Variants in NCOA6 observed in about 807,000 individuals in gnomAD.
The protein encoded by NCOA6 is nuclear receptor coactivator 6.
A neutral mutation model predicts 171.4 loss-of-function variants in NCOA6; 49 were observed. The observed-to-expected ratio is 0.29, with a 90% CI of 0.23 to 0.36. The LOEUF is 0.36. NCOA6 is among the 10% of genes least tolerant of loss of function. NCOA6 has a pLI of 1.00. For synonymous variants in NCOA6, 910 were observed against 927.5 expected, an observed-to-expected ratio of 0.98 and a Z score of 0.34; for missense variants, 2,248 against 2,554.5, an observed-to-expected ratio of 0.88 and a Z score of 2.59.
At chr20:34,750,754 T>C (rs1302588907) in intron 8 of NCOA6, among the ~76,000 whole-genome samples, 1 of 152,192 alleles carries the variant, frequency 6.6e-6, no homozygotes, top group Non-Finnish European at 1.5e-5. Flanking sequence ...AGTTTCTACA[T>C]TCCCATATGG....
chr20:34,727,241 C>G lies in NCOA6; in HGVS notation c.6148+18G>C. ...CCTCTATTTGACCCACAAATAGCACCCACATCCCACTGCTAACCTTTAGTA... is the reference window on the plus strand; with the variant it reads ...CCTCTATTTGACCCACAAATAGCACGCACATCCCACTGCTAACCTTTAGTA... On this transcript the variant is annotated intron_variant, in intron 14 of 14. Transcript: ENST00000359003. 1 of 1,612,336 alleles carries G rather than the reference C, an allele frequency of 6.2e-7. No individual in the cohort carries two copies.
rs528104256 is a variant in NCOA6 at position 34,715,164 on chromosome 20, C to T, written c.*158G>A. On this transcript the variant is annotated 3_prime_UTR_variant, in exon 15 of 15. Transcript: ENST00000359003. ...AAAGGGCTCAACAGTCCTGCTTTCC[C>T]CATTGCACTTTATGAAACAGGTTGC... The T allele has an allele frequency of 3.4e-6, 3 of 874,276 alleles. No homozygotes were observed. Among genetic ancestry groups the T allele is most frequent in the African/African-American group, 1.7e-5 (1 of 59,768 alleles). The allele number at this position is 874,276 out of a possible 1,614,324, so 54.2% of individuals were successfully genotyped here.
intron 14 of NCOA6, among the ~76,000 whole-genome samples, chr20:34,717,903 G>A (rs1475553794): frequency 6.6e-6 from 1 of 152,200 alleles, no homozygotes; most frequent in East Asian, 1.9e-4. Flanking sequence ...GAAGGATCAA[G>A]TGGTATGTCT....
intron 5 of NCOA6, among the ~76,000 whole-genome samples, chr20:34,762,237 G>A (rs2076841086): frequency 6.6e-6 from 1 of 151,914 alleles, no homozygotes; most frequent in African/African-American, 2.4e-5. Context: ...TGCTTTATCT[G>A]GTAAAAATAT....
intron 8 of NCOA6, among the ~76,000 whole-genome samples, chr20:34,754,254 T>C (rs1394388532): frequency 6.6e-6 from 1 of 152,224 alleles, no homozygotes. Context: ...AAATGCCTTT[T>C]TGCCTTTTAC....
chr20:34,761,188 A>G (rs1460043075), intron 5 of NCOA6, among the ~76,000 whole-genome samples: 1 of 152,072 alleles, frequency 6.6e-6, no homozygotes, highest in African/African-American at 2.4e-5. Flanking sequence ...ACTTATCTCT[A>G]TTCTTATCTG....
chr20:34,774,299 C>T (rs778056608), intron 4 of NCOA6, among the ~76,000 whole-genome samples: 2 of 152,220 alleles, frequency 1.3e-5, no homozygotes, highest in African/African-American at 4.8e-5. Context: ...AGTTGTTCGA[C>T]TTCCACTTTT....
At chr20:34,777,729 T>C (rs2077376924) in intron 3 of NCOA6, among the ~76,000 whole-genome samples, 1 of 152,194 alleles carries the variant, frequency 6.6e-6, no homozygotes, top group South Asian at 2.1e-4. Flanking sequence ...AATTACCACA[T>C]GATGCAGCAA....
chr20:34,728,535 G>C (rs912935766), intron 13 of NCOA6, among the ~76,000 whole-genome samples: 4 of 152,090 alleles, frequency 2.6e-5, no homozygotes, highest in Admixed American at 1.3e-4. Context: ...GCCACTAAAC[G>C]TAAGCCCCAC....
chr20:34,761,949 C>T (rs1281419981), intron 5 of NCOA6, among the ~76,000 whole-genome samples: 1 of 151,872 alleles, frequency 6.6e-6, no homozygotes. Flanking sequence ...CTATCGTGCC[C>T]GGCTGACTGC....
rs558689131 is a variant in NCOA6 at position 34,737,892 on chromosome 20, T to G, written c.5894-1134A>C. ...TACTTTTAACTTTAGTGTTCATTTC[T>G]CAAATTTCCTTTTCTTTTTCTCCTG... On this transcript the variant is annotated intron_variant, in intron 11 of 14. Coordinates refer to ENST00000359003, the MANE Select transcript of NCOA6 (RefSeq NM_014071.5). Among the ~76,000 whole-genome samples, 382 of 152,332 alleles carry G rather than the reference T, an allele frequency of 2.5e-3. 1 individual carries two copies. Among genetic ancestry groups the G allele is most frequent in the African/African-American group, 8.6e-3 (359 of 41,576 alleles).
chr20:34,758,120 C>G lies in NCOA6; in HGVS notation c.644-16G>C. ...TCCATTGCATCTGTTTAAAGATAGTCAACAAAGCAATAATTAACCTACTGC... is the reference window on the plus strand; with the variant it reads ...TCCATTGCATCTGTTTAAAGATAGTGAACAAAGCAATAATTAACCTACTGC... On this transcript the variant is annotated splice_polypyrimidine_tract_variant and intron_variant, in intron 6 of 14. Coordinates refer to ENST00000359003, the MANE Select transcript of NCOA6 (RefSeq NM_014071.5). The G allele has an allele frequency of 1.8e-5, 28 of 1,584,758 alleles. No individual in the cohort carries two copies. The highest frequency in any genetic ancestry group is 2.4e-5 in the Non-Finnish European group (28 of 1,163,228).
chr20:34,773,281 A>T (rs2146040984), intron 4 of NCOA6, among the ~76,000 whole-genome samples: 1 of 152,318 alleles, frequency 6.6e-6, no homozygotes, highest in Non-Finnish European at 1.5e-5. Context: ...CCATGAATTT[A>T]CAGAGGGGGC....
At chr20:34,762,338 C>T (rs2076843381) in intron 5 of NCOA6, among the ~76,000 whole-genome samples, 1 of 152,058 alleles carries the variant, frequency 6.6e-6, no homozygotes, top group Non-Finnish European at 1.5e-5. Context: ...TATGTGTTTC[C>T]TGTAACAGCA....
Position 34,742,902 on chromosome 20 carries a change from C to G in NCOA6, c.3354G>C (p.Pro1118=). Reference sequence around the variant, plus strand: ...CCAGTGGCGAGCTGGAAGGATTCTGCGGGCTCTCCTGATAGACCATTTTCC... The same window carrying G: ...CCAGTGGCGAGCTGGAAGGATTCTGGGGGCTCTCCTGATAGACCATTTTCC... The part of the protein sequence containing the change: ...NSRKMVYQES[P]QNPSSSPLAE... Residue 1118 remains proline (P), a synonymous_variant, in exon 11 of 15, where the codon CCG becomes CCC. Transcript: ENST00000359003. 6.2e-7 allele frequency: 1 copy of G among 1,614,168 alleles called. No individual in the cohort carries two copies. Among genetic ancestry groups the G allele is most frequent in the South Asian group, 1.1e-5 (1 of 91,072 alleles).
intron 9 of NCOA6, among the ~76,000 whole-genome samples, chr20:34,747,232 T>C (rs970160512): frequency 6.6e-6 from 1 of 152,216 alleles, no homozygotes; most frequent in Non-Finnish European, 1.5e-5. Context: ...GACCTGATCA[T>C]AGGACTATCA....
chr20:34,770,419 A>G (rs2077114502), intron 4 of NCOA6, among the ~76,000 whole-genome samples: 1 of 152,184 alleles, frequency 6.6e-6, no homozygotes, highest in Non-Finnish European at 1.5e-5. Context: ...GGGAGCTACC[A>G]GATGCTATAG....
intron 1 of NCOA6, among the ~76,000 whole-genome samples, 163 bp downstream of exon 1, chr20:34,825,309 C>T (rs1213768131): frequency 1.1e-4 from 16 of 150,792 alleles, no homozygotes; most frequent in Non-Finnish European, 1.5e-5. Context: ...GCGGGCGGGG[C>T]GGCTCCGGGC....
At chr20:34,816,838 C>T (rs1456508465) in intron 1 of NCOA6, among the ~76,000 whole-genome samples, 2 of 150,526 alleles carry the variant, frequency 1.3e-5, no homozygotes, top group Non-Finnish European at 3.0e-5. Context: ...CAAAAAAGAG[C>T]AGCTGGGTGC....
Sources: allele counts gnomAD v4.1 joint callset (sites outside exome capture counted in the v4.1 genomes callset), GRCh38; gene constraint gnomAD v4.1.1; transcripts MANE v1.5; gene names NCBI Gene and HGNC (gene_info 2026-07-23, HGNC 2026-07-21).